TENM4: variants seen among roughly 807,000 people sequenced by gnomAD.
The protein encoded by TENM4 is teneurin-4.
TENM4 carries 82 observed loss-of-function variants against 243.3 expected under a neutral mutation model. The observed-to-expected ratio is 0.34, with a 90% CI of 0.28 to 0.40. TENM4 has a LOEUF of 0.40. TENM4 is among the 10% of genes least tolerant of loss of function. TENM4 has a pLI of 1.00. For missense variants in TENM4, 3,138 were observed against 3,673.3 expected (o/e 0.85, Z 3.77); for synonymous variants, 1,412 against 1,456.3 (o/e 0.97, Z 0.69).
At chr11:79,222,722 T>C (rs980532220) in intron 2 of TENM4, among the ~76,000 whole-genome samples, 2 of 152,234 alleles carry the variant, frequency 1.3e-5, no homozygotes, top group East Asian at 3.8e-4. Flanking sequence ...TGGTATCTCA[T>C]TGGGATTTTG....
intron 1 of TENM4, among the ~76,000 whole-genome samples, chr11:79,373,332 GGATGGATGGA>G (rs1857825027): frequency 1.9e-5 from 2 of 103,970 alleles, no homozygotes; most frequent in African/African-American, 4.7e-5. Context: ...CTGGCTGGCT[GGATGGATGGA>G]TGGATGGATG....
chr11:79,113,451 G>A (rs761800754), intron 4 of TENM4, among the ~76,000 whole-genome samples: 7 of 150,410 alleles, frequency 4.7e-5, no homozygotes, highest in Non-Finnish European at 8.9e-5. Context: ...AGAAAGAGAG[G>A]GGGTGCTTCA....
chr11:79,416,066 G>C (rs896641207), intron 1 of TENM4, among the ~76,000 whole-genome samples: 21 of 152,288 alleles, frequency 1.4e-4, no homozygotes, highest in South Asian at 6.2e-4. Flanking sequence ...GGCTAATCAA[G>C]AATTTATTCC....
At chr11:78,743,275 A>T (rs1022658514) in intron 19 of TENM4, among the ~76,000 whole-genome samples, 1 of 152,140 alleles carries the variant, frequency 6.6e-6, no homozygotes, top group Non-Finnish European at 1.5e-5. Context: ...CTCTGCCAGG[A>T]CAATCTTTTC....
intron 2 of TENM4, among the ~76,000 whole-genome samples, chr11:79,276,214 GTATA>G (rs1856053034): frequency 6.6e-6 from 1 of 152,238 alleles, no homozygotes; most frequent in South Asian, 2.1e-4. Flanking sequence ...CTGTTGCCAA[GTATA>G]CTTATACAGT....
chr11:79,015,212 T>C (rs963255095), intron 6 of TENM4, among the ~76,000 whole-genome samples: 5 of 152,198 alleles, frequency 3.3e-5, no homozygotes, highest in African/African-American at 9.6e-5. Context: ...GGCATTGCTT[T>C]TTATCAACTC....
chr11:78,855,414 T>C (rs924097537), intron 11 of TENM4, among the ~76,000 whole-genome samples: 2 of 152,180 alleles, frequency 1.3e-5, no homozygotes, highest in Non-Finnish European at 1.5e-5. Context: ...CTGGTGTGCA[T>C]GTGTTTGAGT....
In TENM4 at chr11:78,767,642, T is replaced by A. The variant is rs907044210; in HGVS notation, c.2539+3350A>T. ...GAGTTAAAGTCAATGTTCTCTGATG[T>A]CCCTTTCAATCCTGTTACTCAACAT... On this transcript the variant is annotated intron_variant, in intron 18 of 33. Coordinates refer to ENST00000278550, the MANE Select transcript of TENM4 (RefSeq NM_001098816.3). 3.9e-5 allele frequency among the ~76,000 whole-genome samples: 6 copies of A among 152,200 alleles called. No individual in the cohort carries two copies. The East Asian group carries it at 5.8e-4, about 15-fold the overall frequency.
intron 4 of TENM4, among the ~76,000 whole-genome samples, chr11:79,105,741 A>T (rs59956350): frequency 0.016 from 2,508 of 152,282 alleles, 67 homozygotes; most frequent in African/African-American, 0.058. Context: ...TCAATTTGGC[A>T]GCTATTGCCC....
intron 14 of TENM4, among the ~76,000 whole-genome samples, chr11:78,808,462 A>G (rs962737059): frequency 1.3e-5 from 2 of 152,212 alleles, no homozygotes; most frequent in African/African-American, 4.8e-5. Context: ...TGAGGTAGCT[A>G]CTTTTATCAT....
chr11:79,439,479 G>C (rs1859350164), intron 1 of TENM4, among the ~76,000 whole-genome samples: 1 of 152,094 alleles, frequency 6.6e-6, no homozygotes. Flanking sequence ...AATTTCCAAA[G>C]TTAAGGACCA....
chr11:78,810,938 G>A (rs982985167), intron 14 of TENM4, among the ~76,000 whole-genome samples: 3 of 152,182 alleles, frequency 2.0e-5, no homozygotes, highest in Admixed American at 6.5e-5. Flanking sequence ...AGTTTCAAAC[G>A]GCAAATTCCA....
rs777667492 is a variant in TENM4 at position 78,891,269 on chromosome 11, C to T, written c.817G>A (p.Ala273Thr). 1.1e-4 allele frequency: 164 copies of T among 1,551,686 alleles called. 1 individual carries two copies. In the South Asian group the frequency reaches 1.2e-3, roughly 11 times the overall value. ...CTGTAAGCCCCATCATGGCGGGAGGCGCCGAGAATGTCCATCTCAATGAGG... is the reference window on the plus strand; with the variant it reads ...CTGTAAGCCCCATCATGGCGGGAGGTGCCGAGAATGTCCATCTCAATGAGG... ...DNLIEMDILG[A>T]SRHDGAYSDG... Residue 273 changes from alanine (A) to threonine (T), a missense_variant, in exon 8 of 34, where the codon GCC becomes ACC. Ala to Thr is a moderately conservative substitution (Grantham distance 58). This residue lies in a region of TENM4 where 671 missense variants were observed against 614.1 expected (regional missense o/e 1.09). Transcript: ENST00000278550.
intron 9 of TENM4, among the ~76,000 whole-genome samples, chr11:78,883,039 G>A (rs1855469119): frequency 6.6e-6 from 1 of 152,178 alleles, no homozygotes; most frequent in African/African-American, 2.4e-5. Flanking sequence ...ATATCCTGGT[G>A]CAATTTCCTA....
chr11:78,661,428 G>A, intron 33 of TENM4, 21 bp downstream of exon 33: 4 of 1,599,070 alleles, frequency 2.5e-6, no homozygotes, highest in Non-Finnish European at 2.6e-6. Context: ...CTGAGGAGTG[G>A]CAGCCTTGTG....
intron 1 of TENM4, among the ~76,000 whole-genome samples, chr11:79,393,705 C>T (rs1205138477): frequency 6.6e-6 from 1 of 152,162 alleles, no homozygotes; most frequent in Non-Finnish European, 1.5e-5. Context: ...ACTGAAGAGC[C>T]AAGTCTTACT....
intron 3 of TENM4, among the ~76,000 whole-genome samples, chr11:79,196,563 C>T (rs554243978): frequency 2.0e-4 from 30 of 152,192 alleles, no homozygotes; most frequent in African/African-American, 6.7e-4. Context: ...AGTCAGCCCC[C>T]GGCTGGTGCT....
At chr11:79,137,739 G>A (rs1169206122) in intron 4 of TENM4, among the ~76,000 whole-genome samples, 4 of 152,092 alleles carry the variant, frequency 2.6e-5, no homozygotes, top group Admixed American at 1.3e-4. Context: ...TTAACTTCAC[G>A]TCAACATTTA....
chr11:79,306,500 G>A (rs1307819707), intron 1 of TENM4, among the ~76,000 whole-genome samples: 1 of 152,166 alleles, frequency 6.6e-6, no homozygotes, highest in Non-Finnish European at 1.5e-5. Context: ...GTAAGGAAAG[G>A]AGGTGAGAGA....
Sources: gnomAD v4.1 joint callset for allele counts (sites outside exome capture counted in the v4.1 genomes callset) on GRCh38, gnomAD v4.1.1 for gene constraint, gnomAD v4.1.1 regional missense constraint, MANE v1.5 for transcripts, NCBI Gene and HGNC (gene_info 2026-07-23, HGNC 2026-07-21) for gene names.